Variants in TMEM123 observed in about 807,000 individuals in gnomAD.
The protein encoded by TMEM123 is transmembrane protein 123.
TMEM123 carries 16 observed loss-of-function variants against 19.7 expected under a neutral mutation model. That is an observed-to-expected ratio of 0.81 (90% CI 0.55 to 1.23). The LOEUF is 1.23. TMEM123 is among the 50% of genes most tolerant of loss of function. The pLI is 0.00. For missense variants in TMEM123, 313 were observed against 257.8 expected (o/e 1.21, Z -1.47); for synonymous variants, 118 against 99.4 (o/e 1.19, Z -1.12).
At chr11:102,402,882 G>C (rs1247176013) in intron 2 of TMEM123, among the ~76,000 whole-genome samples, 2 of 152,182 alleles carry the variant, frequency 1.3e-5, no homozygotes, top group African/African-American at 4.8e-5. Context: ...TGTATGAAAA[G>C]AAAAATTAGT....
intron 2 of TMEM123, among the ~76,000 whole-genome samples, chr11:102,441,721 CA>C (rs1857828014): frequency 7.0e-6 from 1 of 143,684 alleles, no homozygotes; most frequent in East Asian, 2.0e-4. Context: ...GACAGACACA[CA>C]AAAAACCCTT....
intron 2 of TMEM123, among the ~76,000 whole-genome samples, chr11:102,437,048 A>G (rs901615849): frequency 6.6e-6 from 1 of 152,126 alleles, no homozygotes; most frequent in East Asian, 1.9e-4. Context: ...AAAAAAACCA[A>G]ATATTTTAAA....
chr11:102,441,012 C>G (rs566879739), intron 2 of TMEM123, among the ~76,000 whole-genome samples: 1 of 152,298 alleles, frequency 6.6e-6, no homozygotes, highest in African/African-American at 2.4e-5. Context: ...AATATATATG[C>G]ACCCAATACA....
intron 2 of TMEM123, among the ~76,000 whole-genome samples, chr11:102,444,497 A>T (rs1857861305): frequency 6.6e-6 from 1 of 151,638 alleles, no homozygotes; most frequent in African/African-American, 2.4e-5. Flanking sequence ...GAACAATGAG[A>T]ACACTTGAAC....
At position 102,398,705 on chromosome 11, in the gene TMEM123, C is replaced by T. The variant is rs1297926602; in HGVS notation, c.*162G>A. 1 of 700,962 alleles carries T rather than the reference C, an allele frequency of 1.4e-6. No individual in the cohort carries two copies. The highest frequency in any genetic ancestry group is 2.3e-6 in the Non-Finnish European group (1 of 433,692). 43.4% of individuals were successfully genotyped at this position (700,962 alleles called of 1,614,324 possible). ...TATTTCAAAACCCAAACCCTTGTTACCTTGAAGAATCTTTACATATTTACG... is the reference window on the plus strand; with the variant it reads ...TATTTCAAAACCCAAACCCTTGTTATCTTGAAGAATCTTTACATATTTACG... On this transcript the variant is annotated 3_prime_UTR_variant, in exon 5 of 5. Coordinates refer to ENST00000398136, the MANE Select transcript of TMEM123 (RefSeq NM_052932.3).
chr11:102,402,821 G>A (rs1951924878), intron 2 of TMEM123, among the ~76,000 whole-genome samples: 3 of 152,168 alleles, frequency 2.0e-5, no homozygotes, highest in Admixed American at 2.0e-4. Context: ...ATAGTTGGAA[G>A]GACAGTTCTA....
chr11:102,449,457 GTCTT>G, intron 1 of TMEM123: 1 of 152,954 alleles, frequency 6.5e-6, no homozygotes, highest in Admixed American at 6.5e-5. Context: ...TTCGTTTTGA[GTCTT>G]TGTCTAATGA....
At chr11:102,414,788 A>G (rs1952031035) in intron 2 of TMEM123, among the ~76,000 whole-genome samples, 1 of 152,186 alleles carries the variant, frequency 6.6e-6, no homozygotes, top group Admixed American at 6.5e-5. Flanking sequence ...CAACTACACA[A>G]CCAAGTTTAC....
intron 2 of TMEM123, among the ~76,000 whole-genome samples, chr11:102,416,798 C>T (rs150844870): frequency 1.5e-3 from 229 of 152,200 alleles, no homozygotes; most frequent in African/African-American, 5.3e-3. Flanking sequence ...GCTAATCCAC[C>T]ATGATCAAGT....
At chr11:102,431,000 A>G (rs749116393) in intron 2 of TMEM123, among the ~76,000 whole-genome samples, 2 of 152,240 alleles carry the variant, frequency 1.3e-5, no homozygotes, top group Non-Finnish European at 2.9e-5. Context: ...CTTACTGAAC[A>G]GTCAGGTAAT....
At chr11:102,438,825 T>G (rs1004632034) in intron 2 of TMEM123, among the ~76,000 whole-genome samples, 1 of 152,124 alleles carries the variant, frequency 6.6e-6, no homozygotes, top group African/African-American at 2.4e-5. Flanking sequence ...GGTTGGGGAA[T>G]CCCCTTTCCT....
chr11:102,411,793 G>A (rs1244966748), intron 2 of TMEM123, among the ~76,000 whole-genome samples: 1 of 152,140 alleles, frequency 6.6e-6, no homozygotes, highest in Non-Finnish European at 1.5e-5. Context: ...TAAGAACGAT[G>A]TCTTATATTT....
At chr11:102,402,461 A>C (rs888055724) in intron 2 of TMEM123, among the ~76,000 whole-genome samples, 2 of 151,528 alleles carry the variant, frequency 1.3e-5, no homozygotes, top group African/African-American at 4.9e-5. Context: ...AAAAAAAAAC[A>C]ACCCAGAAGA....
At chr11:102,404,942 T>TA (rs1420399462) in intron 2 of TMEM123, among the ~76,000 whole-genome samples, 1 of 152,154 alleles carries the variant, frequency 6.6e-6, no homozygotes, top group Non-Finnish European at 1.5e-5. Context: ...ACAAGTTGGT[T>TA]TTAATAGTGC....
At chr11:102,430,406 GA>G (rs1471492974) in intron 2 of TMEM123, among the ~76,000 whole-genome samples, 1 of 152,228 alleles carries the variant, frequency 6.6e-6, no homozygotes, top group African/African-American at 2.4e-5. Flanking sequence ...AGAGTGAGAT[GA>G]AGCATCACAT....
chr11:102,405,241 GT>G (rs1395428410), intron 2 of TMEM123, among the ~76,000 whole-genome samples: 2 of 151,732 alleles, frequency 1.3e-5, no homozygotes, highest in Non-Finnish European at 2.9e-5. Context: ...TAGAGACGGG[GT>G]TTCACCTTGT....
chr11:102,404,410 A>C (rs1208333971), intron 2 of TMEM123, among the ~76,000 whole-genome samples: 1 of 151,884 alleles, frequency 6.6e-6, no homozygotes, highest in African/African-American at 2.4e-5. Flanking sequence ...CAGCCTACTC[A>C]GTAGCTGGGA....
intron 2 of TMEM123, among the ~76,000 whole-genome samples, chr11:102,415,342 A>G (rs1262885771): frequency 1.3e-5 from 2 of 152,208 alleles, no homozygotes; most frequent in South Asian, 2.1e-4. Flanking sequence ...GATCTAACAG[A>G]TATCTACAGA....
At position 102,396,749 on chromosome 11, in the gene TMEM123, A is replaced by G. The variant is rs2135837703; in HGVS notation, c.*2118T>C. On this transcript the variant is annotated 3_prime_UTR_variant, in exon 5 of 5. Transcript: ENST00000398136. ...AAGTACGGGTATTTGAAAGTAACAA[A>G]TTATACTACTTACATACAGAGAAAA... 1 of 152,324 alleles carries G rather than the reference A, an allele frequency of 6.6e-6. No homozygotes were observed. Among genetic ancestry groups the G allele is most frequent in the East Asian group, 1.9e-4 (1 of 5,186 alleles). 9.4% of individuals were successfully genotyped at this position (152,324 alleles called of 1,614,324 possible). A position where few individuals can be genotyped will look rare whatever the true frequency, so the allele number is the denominator to read the frequency against.
Sources: gnomAD v4.1 joint callset for allele counts (sites outside exome capture counted in the v4.1 genomes callset) on GRCh38, gnomAD v4.1.1 for gene constraint, MANE v1.5 for transcripts, NCBI Gene and HGNC (gene_info 2026-07-23, HGNC 2026-07-21) for gene names.